The following DPY19L2 variants were observed in gnomAD, a reference collection of about 807,000 sequenced individuals.
DPY19L2 encodes the protein dpy-19 like 2, also known as probable C-mannosyltransferase DPY19L2.
In DPY19L2, 34 loss-of-function variants were observed where a neutral mutation model predicts 97.9. That is an observed-to-expected ratio of 0.35 (90% CI 0.26 to 0.46). The LOEUF (loss-of-function observed/expected upper bound fraction) is 0.46. DPY19L2 is among the 20% of genes least tolerant of loss of function. DPY19L2 has a pLI of 1.00. For missense variants in DPY19L2, 623 were observed against 911.4 expected (o/e 0.68, Z 4.07); for synonymous variants, 230 against 307.9 (o/e 0.75, Z 2.65).
chr12:63,609,143 T>A (rs1485180103), intron 11 of DPY19L2, among the ~76,000 whole-genome samples: 1 of 152,060 alleles, frequency 6.6e-6, no homozygotes, highest in Non-Finnish European at 1.5e-5. Flanking sequence ...ATATTATTTT[T>A]AAAAAATACA....
intron 13 of DPY19L2, among the ~76,000 whole-genome samples, chr12:63,598,659 A>G (rs1399621920): frequency 6.6e-6 from 1 of 152,138 alleles, no homozygotes; most frequent in African/African-American, 2.4e-5. Flanking sequence ...TTATTTTATA[A>G]CAAATTTGAT....
intron 14 of DPY19L2, among the ~76,000 whole-genome samples, chr12:63,596,278 A>G (rs1274595663): frequency 6.6e-6 from 1 of 152,094 alleles, no homozygotes; most frequent in African/African-American, 2.4e-5. Flanking sequence ...TAATAAAACT[A>G]GAATTGCTAT....
At position 63,572,987 on chromosome 12, in the gene DPY19L2, C is replaced by G. The variant is rs186586470; in HGVS notation, c.1901-2130G>C. Among the ~76,000 whole-genome samples the G allele has an allele frequency of 1.5e-3, 226 of 152,202 alleles. 1 individual carries two copies. The highest frequency in any genetic ancestry group is 5.0e-3 in the African/African-American group (209 of 41,538). On this transcript the variant is annotated intron_variant, in intron 19 of 21. Coordinates refer to ENST00000324472, the MANE Select transcript of DPY19L2 (RefSeq NM_173812.5). ...CCTTTCCAACAAGGATGGGTACAAA[C>G]AAGCCCAGACTGCAAAAACTATAAT...
chr12:63,564,022 C>T (rs1252172759), intron 21 of DPY19L2, among the ~76,000 whole-genome samples: 1 of 152,092 alleles, frequency 6.6e-6, no homozygotes, highest in African/African-American at 2.4e-5. Context: ...TTTTGTCCTA[C>T]TTAGTGGAAT....
chr12:63,660,171 T>C (rs1206377932), intron 4 of DPY19L2, among the ~76,000 whole-genome samples: 1 of 152,084 alleles, frequency 6.6e-6, no homozygotes, highest in Non-Finnish European at 1.5e-5. Context: ...ATTCCACTTC[T>C]AGGTATATAT....
intron 19 of DPY19L2, among the ~76,000 whole-genome samples, chr12:63,576,828 G>C (rs1457546029): frequency 6.6e-6 from 1 of 151,928 alleles, no homozygotes; most frequent in Non-Finnish European, 1.5e-5. Context: ...TCAAGCATTG[G>C]AAGAATCAAT....
intron 4 of DPY19L2, among the ~76,000 whole-genome samples, chr12:63,659,477 G>T (rs1455654048): frequency 4.0e-5 from 6 of 148,168 alleles, no homozygotes; most frequent in South Asian, 2.1e-4. Flanking sequence ...ATCACAGCAG[G>T]TTTTTTTTTT....
At chr12:63,623,644 C>T (rs1426599265) in intron 8 of DPY19L2, 1 of 158,286 alleles carries the variant, frequency 6.3e-6, no homozygotes, top group East Asian at 1.8e-4. Context: ...TTTAAAATAA[C>T]TAAAAAATGG....
chr12:63,575,628 T>C (rs189959264), intron 19 of DPY19L2, among the ~76,000 whole-genome samples: 3 of 151,974 alleles, frequency 2.0e-5, no homozygotes, highest in Admixed American at 1.3e-4. Flanking sequence ...ATAACCAATA[T>C]TGCAGAAATT....
intron 12 of DPY19L2, among the ~76,000 whole-genome samples, chr12:63,605,526 C>T (rs61935059): frequency 6.6e-6 from 1 of 152,128 alleles, no homozygotes; most frequent in Non-Finnish European, 1.5e-5. Flanking sequence ...ATTTCATACA[C>T]ACACACGTGT....
At chr12:63,606,376 C>A (rs1180283038) in intron 12 of DPY19L2, among the ~76,000 whole-genome samples, 2 of 152,000 alleles carry the variant, frequency 1.3e-5, no homozygotes, top group Non-Finnish European at 2.9e-5. Context: ...CTAATGACTG[C>A]TGAAGAATTT....
At chr12:63,609,527 A>C (rs1886613232) in intron 11 of DPY19L2, among the ~76,000 whole-genome samples, 1 of 152,162 alleles carries the variant, frequency 6.6e-6, no homozygotes, top group Admixed American at 6.5e-5. Flanking sequence ...ATGTCAGGAC[A>C]CAGCAAAAAG....
In DPY19L2 at chr12:63,629,415, G is replaced by A. The variant is rs534479849; in HGVS notation, c.804-2889C>T. On this transcript the variant is annotated intron_variant, in intron 6 of 21. Transcript: ENST00000324472. ...AACCAAGGCACGAGAACTACATGAC[G>A]AATGCACAAGCCTCAGTAGCCAATT... 6.6e-5 allele frequency among the ~76,000 whole-genome samples: 10 copies of A among 152,226 alleles called. No homozygotes were observed. The South Asian group carries it at 1.5e-3, about 22-fold the overall frequency.
intron 16 of DPY19L2, among the ~76,000 whole-genome samples, chr12:63,592,105 A>T (rs1883189766): frequency 6.9e-6 from 1 of 145,856 alleles, no homozygotes; most frequent in Non-Finnish European, 1.5e-5. Flanking sequence ...GAGAAAAGAA[A>T]AGAGAAGAGA....
intron 4 of DPY19L2, among the ~76,000 whole-genome samples, chr12:63,652,869 C>T (rs1015231433): frequency 2.0e-5 from 3 of 152,116 alleles, no homozygotes; most frequent in African/African-American, 7.2e-5. Context: ...ACCAAACCCC[C>T]ACTGCATGCA....
Position 63,663,841 on chromosome 12 carries a change from G to A in DPY19L2, c.367C>T (p.His123Tyr). The A allele has an allele frequency of 6.3e-7, 1 of 1,595,032 alleles. No individual in the cohort carries two copies. Among genetic ancestry groups the A allele is most frequent in the East Asian group, 2.3e-5 (1 of 43,992 alleles). The change falls in exon 3 of 22, where the codon CAT becomes TAT. Residue 123 changes from histidine (H) to tyrosine (Y), a missense_variant. Coordinates refer to ENST00000324472, the MANE Select transcript of DPY19L2 (RefSeq NM_173812.5). ...AVFVAILHWL[H>Y]LVTLFENDRH... ...TCATTTTCAAAAAGTGTTACTAAAT[G>A]TAACCTAGAAAAAAATGAAGTATCA...
intron 19 of DPY19L2, among the ~76,000 whole-genome samples, chr12:63,577,350 G>A (rs962944481): frequency 4.1e-4 from 63 of 152,126 alleles, no homozygotes; most frequent in African/African-American, 1.5e-3. Context: ...AAACTTTGGG[G>A]AAACTCTCCA....
chr12:63,630,340 C>A (rs1890374249), intron 6 of DPY19L2, among the ~76,000 whole-genome samples: 1 of 152,022 alleles, frequency 6.6e-6, no homozygotes, highest in African/African-American at 2.4e-5. Flanking sequence ...TGCAGAGACA[C>A]ACATAGGCTC....
intron 16 of DPY19L2, among the ~76,000 whole-genome samples, chr12:63,592,434 A>G (rs1271575015): frequency 1.3e-5 from 2 of 149,272 alleles, no homozygotes; most frequent in African/African-American, 4.9e-5. Flanking sequence ...CTGGTACCAA[A>G]ACAGAGATAT....
Sources: gnomAD v4.1 joint callset for allele counts (sites outside exome capture counted in the v4.1 genomes callset) on GRCh38, gnomAD v4.1.1 for gene constraint, MANE v1.5 for transcripts, NCBI Gene and HGNC (gene_info 2026-07-23, HGNC 2026-07-21) for gene names.